INO80: variants seen among roughly 807,000 people sequenced by gnomAD.
The protein encoded by INO80 is INO80 complex ATPase subunit, also known as chromatin-remodeling ATPase INO80.
A neutral mutation model predicts 203.4 loss-of-function variants in INO80; 20 were observed. The ratio of observed to expected loss-of-function variants is 0.10; its 90% CI spans 0.07 to 0.14. The LOEUF is 0.14. Ranked by LOEUF, INO80 falls within the 10% of genes least tolerant of loss-of-function variation. INO80 has a pLI of 1.00. For synonymous variants in INO80, 726 were observed against 685.2 expected (o/e 1.06, Z -0.93); for missense variants, 1,419 against 1,914.4 (o/e 0.74, Z 4.83).
At chr15:41,047,032 A>T (rs898258453) in intron 23 of INO80, among the ~76,000 whole-genome samples, 2 of 150,744 alleles carry the variant, frequency 1.3e-5, no homozygotes, top group African/African-American at 2.4e-5. Flanking sequence ...CAATGGCATG[A>T]TCTCAGCTCA....
intron 28 of INO80, chr15:41,005,321 T>C: frequency 3.1e-6 from 1 of 321,952 alleles, no homozygotes; most frequent in Non-Finnish European, 5.6e-6. Flanking sequence ...TTAGAAATGA[T>C]TTCTTTTATT....
chr15:40,997,623 G>C, intron 28 of INO80, 22 bp from the exon 29 acceptor site: 2 of 1,562,622 alleles, frequency 1.3e-6, no homozygotes, highest in Non-Finnish European at 1.8e-6. Flanking sequence ...GGAGAGATAT[G>C]TTAAAGGAAA....
At chr15:41,027,478 T>C (rs2044392524) in intron 25 of INO80, 118 bp downstream of exon 25, 1 of 854,380 alleles carries the variant, frequency 1.2e-6, no homozygotes, top group Non-Finnish European at 1.7e-6. Flanking sequence ...CTAGAATTTA[T>C]ATGTTTCTTA....
rs1566947439 is a variant in INO80, at chr15:41,095,947, G to T, written c.144-19C>A. 6.2e-7 allele frequency: 1 copy of T among 1,606,870 alleles called. No individual in the cohort carries two copies. The highest frequency in any genetic ancestry group is 2.2e-5 in the East Asian group (1 of 44,806). On this transcript the variant is annotated intron_variant, in intron 2 of 35. Transcript: ENST00000648947. ...GTCATCACTATAAATTGAAGAATGA[G>T]TCCACAATTACAGCTGACCCAATAA... is the stretch of plus-strand genomic sequence containing the variant.
At chr15:41,061,450 CAAAAAAAAAAAA>C (rs980593225) in intron 14 of INO80, among the ~76,000 whole-genome samples, 1 of 66,936 alleles carries the variant, frequency 1.5e-5, no homozygotes, top group Admixed American at 1.9e-4. Context: ...ACCAAAAATA[CAAAAAAAAAAAA>C]AAAAAAAAAA....
chr15:41,000,424 G>A (rs542834204), intron 28 of INO80, among the ~76,000 whole-genome samples: 23 of 152,122 alleles, frequency 1.5e-4, no homozygotes, highest in African/African-American at 3.9e-4. Flanking sequence ...GGCCAGGTGC[G>A]GTGGCTCATG....
At chr15:40,997,216 TAC>T (rs2043891898) in intron 29 of INO80, among the ~76,000 whole-genome samples, 1 of 151,908 alleles carries the variant, frequency 6.6e-6, no homozygotes, top group African/African-American at 2.4e-5. Flanking sequence ...AGGTTGAAGC[TAC>T]AGTGACCCAT....
rs1313742569 is a variant in INO80, at chr15:40,979,375, T to TCTCA, written c.*844_*847dup. 4 of 152,710 alleles carry TCTCA rather than the reference T, an allele frequency of 2.6e-5. No individual in the cohort carries two copies. The highest frequency in any genetic ancestry group is 5.9e-5 in the Non-Finnish European group (4 of 68,156). The allele number at this position is 152,710 out of a possible 1,614,324, so 9.5% of individuals were successfully genotyped here. ...ACCTCACTCCTGCTGTCCCTTCCTC[T>TCTCA]CTCAGTGCAATATAGACAGTGCATA... On this transcript the variant is annotated 3_prime_UTR_variant, in exon 36 of 36. Coordinates refer to ENST00000648947, the MANE Select transcript of INO80 (RefSeq NM_017553.3).
In INO80 at chr15:41,051,128, C is replaced by CAA. The variant is rs368535813; in HGVS notation, c.2275-1028_2275-1027dup. ...TGGGTGACAGAATGAGACTCCATCT[C>CAA]AAAAAAAAAAAAAAAGAAAGTTCTC... On this transcript the variant is annotated intron_variant, in intron 19 of 35. Transcript: ENST00000648947. Among the ~76,000 whole-genome samples the CAA allele has an allele frequency of 2.0e-4, 16 of 78,510 alleles. 1 individual carries two copies. In the South Asian group the frequency reaches 2.4e-3, roughly 12 times the overall value. The allele number at this position is 78,510 out of a possible 152,430, so 51.5% of individuals were successfully genotyped here.
chr15:41,058,400 C>G (rs768140330), intron 16 of INO80, among the ~76,000 whole-genome samples: 7 of 152,066 alleles, frequency 4.6e-5, no homozygotes, highest in African/African-American at 1.4e-4. Context: ...GTGGCTCATC[C>G]CTCTAATCCC....
Position 41,056,676 on chromosome 15 carries a change from C to T in INO80, c.2016G>A (p.Gln672=), listed in dbSNP as rs144128071. 1.2e-6 allele frequency: 2 copies of T among 1,614,120 alleles called. No individual in the cohort carries two copies. The highest frequency in any genetic ancestry group is 2.2e-5 in the East Asian group (1 of 44,878). ...SVRWKILLQF[Q]CRNRLLLTGT... ...CGGTTAGCAAAAGCCGATTCCGACA[C>T]TGGAACTGTAAGAGGATCTTCCAAC... The change falls in exon 17 of 36, where the codon CAG becomes CAA. Residue 672 remains glutamine (Q), a synonymous_variant. Coordinates refer to ENST00000648947, the MANE Select transcript of INO80 (RefSeq NM_017553.3).
Position 41,085,354 on chromosome 15 carries a change from G to A in INO80, c.873+15C>T. The A allele has an allele frequency of 1.9e-6, 3 of 1,609,154 alleles. No individual in the cohort carries two copies. The highest frequency in any genetic ancestry group is 2.6e-6 in the Non-Finnish European group (3 of 1,175,594). ...ACATTCTCCTAATTTCCATCTCCTG[G>A]AGGCATTCACTTACCTTTGGTAGTT... is the stretch of plus-strand genomic sequence containing the variant. On this transcript the variant is annotated intron_variant, in intron 7 of 35. Coordinates refer to ENST00000648947, the MANE Select transcript of INO80 (RefSeq NM_017553.3).
intron 9 of INO80, among the ~76,000 whole-genome samples, chr15:41,075,738 G>A (rs377582895): frequency 1.8e-4 from 28 of 152,242 alleles, no homozygotes; most frequent in South Asian, 1.0e-3. Context: ...AAAGGTGTGA[G>A]CCACCATGCC....
intron 16 of INO80, 117 bp from the exon 17 acceptor site, chr15:41,056,823 AC>A (rs1240388665): frequency 1.3e-6 from 1 of 750,514 alleles, no homozygotes; most frequent in Non-Finnish European, 2.3e-6. Context: ...AGAATCAAGT[AC>A]TCCATCATGT....
chr15:41,093,542 C>T (rs879505621), intron 4 of INO80, among the ~76,000 whole-genome samples: 15 of 152,062 alleles, frequency 9.9e-5, no homozygotes, highest in Middle Eastern at 3.4e-3. Context: ...TGTAAATACA[C>T]GAAAAACTAC....
intron 19 of INO80, among the ~76,000 whole-genome samples, chr15:41,052,674 C>CAAAA (rs60685375): frequency 7.5e-5 from 8 of 107,194 alleles, no homozygotes; most frequent in Admixed American, 2.0e-4. Flanking sequence ...CCTTGTCTTA[C>CAAAA]AAAAAAAAAA....
intron 13 of INO80, 132 bp from the exon 14 acceptor site, chr15:41,069,797 C>A: frequency 1.7e-6 from 1 of 603,050 alleles, no homozygotes. Flanking sequence ...AATCCCAAAT[C>A]TGCACATTCA....
At chr15:41,054,929 T>A in intron 18 of INO80, among the ~76,000 whole-genome samples, 1 of 152,150 alleles carries the variant, frequency 6.6e-6, no homozygotes, top group East Asian at 1.9e-4. Context: ...TGAGCCACCA[T>A]GCCTGGCCAA....
At chr15:41,084,317 T>C (rs886814938) in intron 7 of INO80, among the ~76,000 whole-genome samples, 4 of 152,162 alleles carry the variant, frequency 2.6e-5, no homozygotes, top group Non-Finnish European at 5.9e-5. Context: ...CCCAACACTT[T>C]ATGAGGCGGA....
Sources: gnomAD v4.1 joint callset for allele counts (sites outside exome capture counted in the v4.1 genomes callset) on GRCh38, gnomAD v4.1.1 for gene constraint, MANE v1.5 for transcripts, NCBI Gene and HGNC (gene_info 2026-07-23, HGNC 2026-07-21) for gene names.